Variants in DCC observed in about 807,000 individuals in gnomAD.
DCC encodes DCC netrin 1 receptor.
Under a neutral mutation model 172.5 loss-of-function variants are expected in DCC, and 58 were observed. The observed-to-expected ratio is 0.34, with a 90% confidence interval of 0.27 to 0.42. DCC has a LOEUF of 0.42. DCC is among the 10% of genes least tolerant of loss of function. The probability of loss-of-function intolerance (pLI) is 1.00; values close to 1 mark genes in which losing one functional copy is unlikely to be tolerated. For missense variants in DCC, 1,740 were observed against 1,791.0 expected (o/e 0.97, Z 0.51); for synonymous variants, 709 against 644.5 (o/e 1.10, Z -1.52).
intron 5 of DCC, among the ~76,000 whole-genome samples, chr18:52,951,375 C>T (rs563558790): frequency 3.3e-5 from 5 of 152,234 alleles, no homozygotes; most frequent in Non-Finnish European, 5.9e-5. Flanking sequence ...ATCAACCCAT[C>T]ATCTAGGTTT....
rs191644771 is a variant in DCC at position 52,460,666 on chromosome 18, G to A, written c.91+119788G>A. ...TATATGGTGTAGCCTATTGCTCCTA[G>A]GCTACACATGTGTACAGCACGTTAC... On this transcript the variant is annotated intron_variant, in intron 1 of 28. Coordinates refer to ENST00000442544, the MANE Select transcript of DCC (RefSeq NM_005215.4). Among the ~76,000 whole-genome samples, 17 of 152,156 alleles carry A rather than the reference G, an allele frequency of 1.1e-4. No homozygotes were observed. In the East Asian group the frequency reaches 2.9e-3, roughly 26 times the overall value.
intron 1 of DCC, among the ~76,000 whole-genome samples, chr18:52,449,656 T>C (rs990554706): frequency 1.3e-5 from 2 of 152,228 alleles, no homozygotes; most frequent in African/African-American, 2.4e-5. Context: ...ACTCATGTAC[T>C]CTGATATGGT....
At chr18:53,225,904 T>C (rs909071301) in intron 12 of DCC, among the ~76,000 whole-genome samples, 5 of 152,048 alleles carry the variant, frequency 3.3e-5, no homozygotes, top group Admixed American at 1.3e-4. Context: ...GGATTAATAG[T>C]TTTTGCAAAG....
intron 2 of DCC, among the ~76,000 whole-genome samples, chr18:52,835,336 A>G (rs2038686283): frequency 6.6e-6 from 1 of 152,202 alleles, no homozygotes; most frequent in African/African-American, 2.4e-5. Flanking sequence ...TTTCAAAGTA[A>G]TTTACTTTCT....
At chr18:52,984,795 C>T (rs1393931768) in intron 5 of DCC, among the ~76,000 whole-genome samples, 1 of 152,050 alleles carries the variant, frequency 6.6e-6, no homozygotes, top group Non-Finnish European at 1.5e-5. Flanking sequence ...AAATGTAATT[C>T]TTTTTCCCCA....
intron 12 of DCC, among the ~76,000 whole-genome samples, chr18:53,300,537 A>G (rs2057120792): frequency 6.6e-6 from 1 of 152,190 alleles, no homozygotes; most frequent in Non-Finnish European, 1.5e-5. Flanking sequence ...ATTAAAGTTC[A>G]AAGTTAAAGA....
At chr18:52,811,154 A>G (rs2038190279) in intron 2 of DCC, among the ~76,000 whole-genome samples, 1 of 152,350 alleles carries the variant, frequency 6.6e-6, no homozygotes, top group South Asian at 2.1e-4. Context: ...TGACCCCTTC[A>G]CCACAAAGGA....
chr18:52,701,624 C>T (rs903963765), intron 1 of DCC, among the ~76,000 whole-genome samples: 3 of 152,164 alleles, frequency 2.0e-5, no homozygotes, highest in African/African-American at 4.8e-5. Flanking sequence ...GATTTGTATA[C>T]GTGAAACAGT....
intron 8 of DCC, among the ~76,000 whole-genome samples, chr18:53,170,876 TTTG>T (rs890960479): frequency 1.4e-4 from 22 of 152,226 alleles, no homozygotes; most frequent in Admixed American, 5.9e-4. Flanking sequence ...AGGTTTGTTT[TTTG>T]TTGTTGTTGT....
Position 53,226,950 on chromosome 18 carries a change from T to TATA in DCC, c.1911+11353_1911+11354insATA, listed in dbSNP as rs1568377335. ...TGTGTGTGTGTATATATATATATAT[T>TATA]TTTTTTTTTTTTTTTTTGAGGCAGA... On this transcript the variant is annotated intron_variant, in intron 12 of 28. Transcript: ENST00000442544. 8.8e-3 allele frequency among the ~76,000 whole-genome samples: 61 copies of TATA among 6,924 alleles called. 1 individual carries two copies. The highest frequency in any genetic ancestry group is 0.028 in the South Asian group (10 of 358). 4.5% of individuals were successfully genotyped at this position (6,924 alleles called of 152,430 possible). A position where few individuals can be genotyped will look rare whatever the true frequency, so the allele number is the denominator to read the frequency against.
At chr18:53,215,451 T>A in intron 11 of DCC, 97 bp from the exon 12 acceptor site, 1 of 1,002,426 alleles carries the variant, frequency 1.0e-6, no homozygotes, top group Non-Finnish European at 1.6e-6. Context: ...CATTATAAAC[T>A]ATATAAACAA....
intron 1 of DCC, among the ~76,000 whole-genome samples, chr18:52,440,468 G>T (rs1341324871): frequency 6.6e-6 from 1 of 152,174 alleles, no homozygotes; most frequent in Non-Finnish European, 1.5e-5. Flanking sequence ...CCTGCCCACT[G>T]AGGGTGAATT....
intron 1 of DCC, among the ~76,000 whole-genome samples, chr18:52,585,222 C>T (rs754314961): frequency 2.0e-5 from 3 of 152,206 alleles, no homozygotes; most frequent in African/African-American, 4.8e-5. Context: ...TTTGGGAAGA[C>T]AGTCGAATGA....
intron 2 of DCC, among the ~76,000 whole-genome samples, chr18:52,839,610 C>T (rs2038770042): frequency 1.3e-5 from 2 of 152,146 alleles, no homozygotes; most frequent in Admixed American, 6.6e-5. Context: ...ATATTTAAGG[C>T]AATTCAGGTA....
intron 1 of DCC, among the ~76,000 whole-genome samples, chr18:52,368,456 AATAGCAGGTTTCAGTCC>A (rs1984974031): frequency 6.6e-6 from 1 of 152,102 alleles, no homozygotes. Context: ...CCTGAGAAAA[AATAGCAGGTTTCAGTCC>A]ATATCCTTAG....
chr18:52,363,001 C>A (rs193265723), intron 1 of DCC, among the ~76,000 whole-genome samples: 1 of 152,046 alleles, frequency 6.6e-6, no homozygotes, highest in South Asian at 2.1e-4. Flanking sequence ...CGGGTTCAAG[C>A]GATTACCCTG....
intron 5 of DCC, among the ~76,000 whole-genome samples, chr18:53,047,132 A>G (rs2042248402): frequency 6.7e-6 from 1 of 148,686 alleles, no homozygotes; most frequent in Admixed American, 6.8e-5. Flanking sequence ...AAATATGTTT[A>G]TCAACTATTT....
chr18:52,399,181 A>G (rs1172433452), intron 1 of DCC, among the ~76,000 whole-genome samples: 1 of 151,940 alleles, frequency 6.6e-6, no homozygotes, highest in Non-Finnish European at 1.5e-5. Context: ...GCTCCTTCAC[A>G]TATTTAAAAT....
chr18:53,254,792 G>A (rs745559912), intron 12 of DCC, among the ~76,000 whole-genome samples: 3 of 152,078 alleles, frequency 2.0e-5, no homozygotes, highest in African/African-American at 7.2e-5. Context: ...ATGGAATCAT[G>A]CGTAGGTATA....
Sources: allele counts gnomAD v4.1 joint callset (sites outside exome capture counted in the v4.1 genomes callset), GRCh38; gene constraint gnomAD v4.1.1; transcripts MANE v1.5; gene names NCBI Gene and HGNC (gene_info 2026-07-23, HGNC 2026-07-21).